The following RSU1 variants were observed in gnomAD, a reference collection of about 807,000 sequenced individuals.
RSU1 encodes rsu-1.
In RSU1, 26 loss-of-function variants were observed where a neutral mutation model predicts 31.1. That is an observed-to-expected ratio of 0.84 (90% CI 0.61 to 1.16). RSU1 has a LOEUF of 1.16. RSU1 is among the 50% of genes most tolerant of loss of function. RSU1 has a pLI of 0.00. For synonymous variants in RSU1, 164 were observed against 136.3 expected (o/e 1.20, Z -1.41); for missense variants, 320 against 339.1 (o/e 0.94, Z 0.44).
At chr10:16,804,079 T>C (rs1838216435) in intron 2 of RSU1, among the ~76,000 whole-genome samples, 2 of 152,080 alleles carry the variant, frequency 1.3e-5, no homozygotes, top group South Asian at 4.1e-4. Flanking sequence ...CACACATATC[T>C]GATAAAGAAC....
chr10:16,612,388 T>C (rs943787739), intron 8 of RSU1, among the ~76,000 whole-genome samples: 1 of 152,338 alleles, frequency 6.6e-6, no homozygotes, highest in Admixed American at 6.5e-5. Flanking sequence ...TGCCAGTCAT[T>C]GCCAAAGACA....
intron 8 of RSU1, among the ~76,000 whole-genome samples, chr10:16,688,639 C>T (rs2131556263): frequency 6.6e-6 from 1 of 152,100 alleles, no homozygotes; most frequent in South Asian, 2.1e-4. Flanking sequence ...AAATATGTAC[C>T]ATTTATGAAG....
intron 7 of RSU1, 100 bp from the exon 8 acceptor site, chr10:16,695,255 A>C: frequency 8.9e-7 from 1 of 1,122,156 alleles, no homozygotes; most frequent in Non-Finnish European, 1.2e-6. Flanking sequence ...CCTAAATCAA[A>C]CCCTAAGTGC....
chr10:16,762,960 C>G (rs1248323599), intron 4 of RSU1, among the ~76,000 whole-genome samples: 2 of 151,566 alleles, frequency 1.3e-5, no homozygotes, highest in African/African-American at 4.9e-5. Flanking sequence ...CTGCAGCTAG[C>G]CCAGATCGCC....
At chr10:16,598,333 G>A (rs747653566) in intron 8 of RSU1, among the ~76,000 whole-genome samples, 5 of 151,916 alleles carry the variant, frequency 3.3e-5, no homozygotes, top group African/African-American at 4.8e-5. Context: ...GAGGCCAGGC[G>A]TTCACGACCA....
At chr10:16,660,954 C>G (rs1009761820) in intron 8 of RSU1, among the ~76,000 whole-genome samples, 3 of 152,004 alleles carry the variant, frequency 2.0e-5, no homozygotes, top group Non-Finnish European at 4.4e-5. Flanking sequence ...GGCCCACTTA[C>G]TCTCTCTTCA....
intron 8 of RSU1, among the ~76,000 whole-genome samples, chr10:16,629,763 C>T (rs533211439): frequency 6.6e-6 from 1 of 152,166 alleles, no homozygotes; most frequent in African/African-American, 2.4e-5. Flanking sequence ...TGAGAAATGA[C>T]AGTATTTAGA....
intron 5 of RSU1, among the ~76,000 whole-genome samples, chr10:16,753,790 A>G (rs1387743229): frequency 6.6e-6 from 1 of 152,144 alleles, no homozygotes; most frequent in Non-Finnish European, 1.5e-5. Context: ...TTTTTTAGAG[A>G]CAGAGTCTCG....
intron 7 of RSU1, among the ~76,000 whole-genome samples, chr10:16,705,945 A>T (rs1347022535): frequency 2.6e-5 from 4 of 152,092 alleles, no homozygotes; most frequent in African/African-American, 9.7e-5. Context: ...CCCAGCCCAA[A>T]TGTTTTTGAT....
At chr10:16,765,538 T>A (rs570241308) in intron 3 of RSU1, among the ~76,000 whole-genome samples, 1 of 152,282 alleles carries the variant, frequency 6.6e-6, no homozygotes, top group Non-Finnish European at 1.5e-5. Context: ...AAAATACAAA[T>A]GTAAAAGCCA....
intron 8 of RSU1, among the ~76,000 whole-genome samples, chr10:16,655,149 A>G (rs1834757061): frequency 6.6e-6 from 1 of 152,078 alleles, no homozygotes; most frequent in African/African-American, 2.4e-5. Context: ...TAATTAGTCA[A>G]TAGATATTTA....
chr10:16,640,476 C>T (rs1052451292), intron 8 of RSU1, among the ~76,000 whole-genome samples: 3 of 152,206 alleles, frequency 2.0e-5, no homozygotes, highest in Admixed American at 2.0e-4. Context: ...AATCTGATCA[C>T]ACCCCTGCCC....
intron 2 of RSU1, among the ~76,000 whole-genome samples, chr10:16,795,079 C>A (rs1196910602): frequency 1.3e-5 from 2 of 152,178 alleles, no homozygotes; most frequent in Non-Finnish European, 2.9e-5. Context: ...ACAGTCCCGG[C>A]GTGGTGGCTC....
intron 7 of RSU1, among the ~76,000 whole-genome samples, chr10:16,751,669 C>A (rs1427865747): frequency 1.3e-5 from 2 of 152,200 alleles, no homozygotes; most frequent in Non-Finnish European, 2.9e-5. Flanking sequence ...TAATTTCTAA[C>A]AAATGGCCTC....
At chr10:16,800,131 C>G (rs531652753) in intron 2 of RSU1, among the ~76,000 whole-genome samples, 16 of 152,056 alleles carry the variant, frequency 1.1e-4, no homozygotes, top group African/African-American at 3.6e-4. Context: ...TGTGAGAACT[C>G]GCACTAAAAG....
chr10:16,608,626 A>T (rs1833842901), intron 8 of RSU1, among the ~76,000 whole-genome samples: 1 of 152,160 alleles, frequency 6.6e-6, no homozygotes, highest in East Asian at 1.9e-4. Context: ...GCAAAGTGGT[A>T]TTTAGGAGCA....
chr10:16,644,552 AG>A (rs1247294239), intron 8 of RSU1, among the ~76,000 whole-genome samples: 1 of 152,208 alleles, frequency 6.6e-6, no homozygotes, highest in Admixed American at 6.5e-5. Context: ...GAGAACTTAA[AG>A]GTCTTGCTCA....
chr10:16,807,188 A>G (rs552550363), intron 2 of RSU1, among the ~76,000 whole-genome samples: 2 of 152,240 alleles, frequency 1.3e-5, no homozygotes, highest in African/African-American at 4.8e-5. Context: ...GTGTCCTGAA[A>G]AACTAAGAGG....
intron 7 of RSU1, among the ~76,000 whole-genome samples, chr10:16,700,569 A>G (rs987952590): frequency 6.6e-6 from 1 of 152,212 alleles, no homozygotes; most frequent in African/African-American, 2.4e-5. Context: ...TTCTACACAT[A>G]AGTCTCCATA....
Sources: gnomAD v4.1 joint callset for allele counts (sites outside exome capture counted in the v4.1 genomes callset) on GRCh38, gnomAD v4.1.1 for gene constraint, MANE v1.5 for transcripts, NCBI Gene and HGNC (gene_info 2026-07-23, HGNC 2026-07-21) for gene names.